Variants in CELF2 observed in about 807,000 individuals in gnomAD.
CELF2 encodes CUGBP Elav-like family member 2, also known as CUG triplet repeat RNA-binding protein 2.
CELF2 carries 8 observed loss-of-function variants against 62.6 expected under a neutral mutation model. The observed-to-expected ratio is 0.13, with a 90% CI of 0.07 to 0.23. The LOEUF is 0.23. Ranked by LOEUF, CELF2 falls within the 10% of genes least tolerant of loss-of-function variation. CELF2 has a pLI of 1.00. For synonymous variants in CELF2, 258 were observed against 250.0 expected (o/e 1.03, Z -0.30); for missense variants, 333 against 671.0 (o/e 0.50, Z 5.56).
chr10:10,827,598 G>T (rs1476032323), intron 1 of CELF2, among the ~76,000 whole-genome samples: 1 of 152,136 alleles, frequency 6.6e-6, no homozygotes, highest in African/African-American at 2.4e-5. Flanking sequence ...CCCTCCTCTA[G>T]CCATGGAAAG....
chr10:10,603,494 T>C, the CELF2 span, among the ~76,000 whole-genome samples: 6 of 152,144 alleles, frequency 3.9e-5, no homozygotes, highest in Admixed American at 1.3e-4. Flanking sequence ...TTGGGAAGCA[T>C]TGCAATCTAA....
intron 1 of CELF2, among the ~76,000 whole-genome samples, chr10:11,147,968 C>G (rs2062587717): frequency 6.6e-6 from 1 of 152,182 alleles, no homozygotes; most frequent in Admixed American, 6.5e-5. Flanking sequence ...CAGACGGCCA[C>G]AGGGCAGAAT....
At chr10:10,704,523 AATAAT>A in the CELF2 span, among the ~76,000 whole-genome samples, 5 of 152,226 alleles carry the variant, frequency 3.3e-5, no homozygotes, top group South Asian at 2.1e-4. Context: ...AATAGTGAAC[AATAAT>A]ATAATAATTA....
intron 1 of CELF2, among the ~76,000 whole-genome samples, chr10:10,889,923 T>C (rs2062013872): frequency 6.6e-6 from 1 of 152,204 alleles, no homozygotes; most frequent in South Asian, 2.1e-4. Context: ...CTGTGCATGA[T>C]AAATGTGGGG....
At chr10:10,880,728 G>A (rs1308270455) in intron 1 of CELF2, among the ~76,000 whole-genome samples, 1 of 152,204 alleles carries the variant, frequency 6.6e-6, no homozygotes, top group Non-Finnish European at 1.5e-5. Flanking sequence ...TAGGCAGAGT[G>A]GAGTGGAAGC....
chr10:11,080,670 G>A lies in CELF2; in HGVS notation c.74+62507G>A, dbSNP rs566159428. 2.0e-5 allele frequency among the ~76,000 whole-genome samples: 3 copies of A among 152,250 alleles called. No homozygotes were observed. The South Asian group carries it at 6.2e-4, about 32-fold the overall frequency. On this transcript the variant is annotated intron_variant, in intron 1 of 12. Transcript: ENST00000633077. ...CATGACAGTGATTTGGATATTGAAG[G>A]GCCTTTTCATTGTGTATTGTAGAGA...
chr10:11,234,574 C>T (rs1378588461), intron 3 of CELF2, among the ~76,000 whole-genome samples: 3 of 122,486 alleles, frequency 2.4e-5, no homozygotes, highest in African/African-American at 8.8e-5. Flanking sequence ...CCCAGCTAAT[C>T]GGGAGGTTGA....
At chr10:11,084,141 CT>C (rs2074778040) in intron 1 of CELF2, among the ~76,000 whole-genome samples, 1 of 152,218 alleles carries the variant, frequency 6.6e-6, no homozygotes, top group Admixed American at 6.5e-5. Flanking sequence ...AATTTACTAT[CT>C]TGTTTTCTGG....
At chr10:10,471,708 A>C in the CELF2 span, among the ~76,000 whole-genome samples, 1 of 151,830 alleles carries the variant, frequency 6.6e-6, no homozygotes, top group Non-Finnish European at 1.5e-5. Flanking sequence ...AAAGAATTTA[A>C]GAGAAAAAAA....
chr10:10,557,638 T>A, the CELF2 span, among the ~76,000 whole-genome samples: 7 of 152,136 alleles, frequency 4.6e-5, no homozygotes, highest in African/African-American at 1.7e-4. Context: ...ATTGCCATTT[T>A]CACAATATTG....
At position 11,075,128 on chromosome 10, in the gene CELF2, G is replaced by C. The variant is rs1343984337; in HGVS notation, c.74+56965G>C. The C allele has an allele frequency of 6.6e-6, 1 of 152,248 alleles. No homozygotes were observed. The highest frequency in any genetic ancestry group is 1.5e-5 in the Non-Finnish European group (1 of 68,096). The allele number at this position is 152,248 out of a possible 1,614,324, so 9.4% of individuals were successfully genotyped here. ...ATCCCCTTGGCCCTGAAAGTGAATG[G>C]TCTTGTCCCTTGTCAAGTGTGGCTT... On this transcript the variant is annotated intron_variant, in intron 1 of 12. Coordinates refer to ENST00000633077, the MANE Select transcript of CELF2 (RefSeq NM_001326342.2). The surrounding 1 kb of genome is among the most constrained non-coding windows in gnomAD (Gnocchi z 5.4).
chr10:10,664,451 G>A, the CELF2 span, among the ~76,000 whole-genome samples: 7 of 152,148 alleles, frequency 4.6e-5, no homozygotes, highest in Non-Finnish European at 1.5e-5. Flanking sequence ...TGCCCTCCTA[G>A]ACACCCTTGG....
chr10:11,207,566 G>A lies in CELF2; in HGVS notation c.272-9859G>A, dbSNP rs1565302838. Among the ~76,000 whole-genome samples, 1 of 152,256 alleles carries A rather than the reference G, an allele frequency of 6.6e-6. No homozygotes were observed. The highest frequency in any genetic ancestry group is 1.5e-5 in the Non-Finnish European group (1 of 68,046). The stretch of plus-strand genomic sequence containing the variant: ...TGAGGAAGGATGTTGGTGGAGCATC[G>A]CACGACTGCCTCAGGCGGCCAGAGG... On this transcript the variant is annotated intron_variant, in intron 2 of 12. Coordinates refer to ENST00000633077, the MANE Select transcript of CELF2 (RefSeq NM_001326342.2). This position sits in a 1 kb window ranked among gnomAD's most constrained non-coding sequence, Gnocchi z 4.1.
intron 1 of CELF2, among the ~76,000 whole-genome samples, chr10:11,148,584 C>T (rs945268207): frequency 1.1e-4 from 16 of 152,180 alleles, no homozygotes; most frequent in Admixed American, 3.3e-4. Flanking sequence ...TCTTGGGTCA[C>T]GATAGCATTG....
chr10:10,588,005 G>A, the CELF2 span, among the ~76,000 whole-genome samples: 140 of 143,258 alleles, frequency 9.8e-4, no homozygotes, highest in African/African-American at 3.8e-3. Context: ...TGTGAGAAAA[G>A]GTAAAGATGT....
chr10:10,689,860 C>T, the CELF2 span, among the ~76,000 whole-genome samples: 1 of 152,156 alleles, frequency 6.6e-6, no homozygotes, highest in Non-Finnish European at 1.5e-5. Flanking sequence ...TAACATGTTC[C>T]TACTGAATTT....
At chr10:11,107,746 C>T (rs74115725) in intron 1 of CELF2, among the ~76,000 whole-genome samples, 6,199 of 151,370 alleles carry the variant, frequency 0.041, 147 homozygotes, top group Non-Finnish European at 0.055. Flanking sequence ...TTCCTGGATC[C>T]TTTCTCTCAT....
the CELF2 span, among the ~76,000 whole-genome samples, chr10:10,534,639 G>A: frequency 2.6e-5 from 4 of 151,986 alleles, no homozygotes; most frequent in African/African-American, 4.8e-5. Flanking sequence ...GTAGTTCTAC[G>A]CCTGTCTTCC....
intron 1 of CELF2, among the ~76,000 whole-genome samples, chr10:11,115,977 G>A (rs1426749478): frequency 1.3e-5 from 2 of 152,196 alleles, no homozygotes; most frequent in Non-Finnish European, 2.9e-5. Context: ...GACACATGAA[G>A]GACCTTTTTC....
Sources: gnomAD v4.1 joint callset for allele counts (sites outside exome capture counted in the v4.1 genomes callset) on GRCh38, gnomAD v4.1.1 for gene constraint, Gnocchi (gnomAD v3.1) non-coding constraint, MANE v1.5 for transcripts, NCBI Gene and HGNC (gene_info 2026-07-23, HGNC 2026-07-21) for gene names.